ASB4: variants seen among roughly 807,000 people sequenced by gnomAD.
ASB4 encodes ankyrin repeat and SOCS box containing 4, also known as ankyrin repeat and SOCS box protein 4.
Under a neutral mutation model 38.6 loss-of-function variants are expected in ASB4, and 35 were observed. That is an observed-to-expected ratio of 0.91 (90% CI 0.69 to 1.20). The LOEUF (loss-of-function observed/expected upper bound fraction) is 1.20, where lower values mean the gene tolerates loss of function less well. Among genes scored for constraint, ASB4 ranks in the 50% most tolerant of loss-of-function variants. The probability of loss-of-function intolerance (pLI) is 0.00; values close to 1 mark genes in which losing one functional copy is unlikely to be tolerated. For missense variants in ASB4, 557 were observed against 527.2 expected (o/e 1.06, Z -0.55); for synonymous variants, 195 against 201.3 (o/e 0.97, Z 0.26).
At chr7:95,498,124 T>C (rs2116594076) in intron 2 of ASB4, among the ~76,000 whole-genome samples, 1 of 152,326 alleles carries the variant, frequency 6.6e-6, no homozygotes, top group South Asian at 2.1e-4. Flanking sequence ...TTCGTATTTC[T>C]ATCAGCAATG....
the ASB4 span, among the ~76,000 whole-genome samples, chr7:95,470,824 C>T: frequency 1.3e-5 from 2 of 152,160 alleles, no homozygotes; most frequent in South Asian, 2.1e-4. Flanking sequence ...TTCTTTTTTC[C>T]CCCCATTAGG....
At chr7:95,551,229 G>T in the ASB4 span, among the ~76,000 whole-genome samples, 1 of 152,120 alleles carries the variant, frequency 6.6e-6, no homozygotes, top group Non-Finnish European at 1.5e-5. Context: ...CATCCACTCG[G>T]CTTGGCCTCC....
chr7:95,531,102 C>A (rs1304933937), intron 3 of ASB4, among the ~76,000 whole-genome samples: 1 of 152,216 alleles, frequency 6.6e-6, no homozygotes, highest in East Asian at 1.9e-4. Context: ...ACTCATAGCA[C>A]ATCACAAATA....
At chr7:95,470,779 C>T in the ASB4 span, among the ~76,000 whole-genome samples, 1 of 152,148 alleles carries the variant, frequency 6.6e-6, no homozygotes, top group African/African-American at 2.4e-5. Flanking sequence ...GGCACTGTCC[C>T]ATCCATTAAC....
At chr7:95,476,142 C>T (rs1419585358), upstream of ASB4, among the ~76,000 whole-genome samples, 2 of 152,180 alleles carry the variant, frequency 1.3e-5, no homozygotes, top group Admixed American at 6.5e-5. Flanking sequence ...TAATTTCATT[C>T]GTCTATAAGT....
chr7:95,549,301 A>ATTTTTTTTTTTTTTTTTTTT, the ASB4 span, among the ~76,000 whole-genome samples: 346 of 114,810 alleles, frequency 3.0e-3, 52 homozygotes, highest in African/African-American at 0.011. Flanking sequence ...AGGAGACTCC[A>ATTTTTTTTTTTTTTTTTTTT]TTTTTTTTTT....
In ASB4 at chr7:95,496,061, A is replaced by G; in HGVS notation, c.487+4A>G. On this transcript the variant is annotated splice_donor_region_variant and intron_variant, in intron 2 of 4. Coordinates refer to ENST00000325885, the MANE Select transcript of ASB4 (RefSeq NM_016116.3). The stretch of plus-strand genomic sequence containing the variant: ...GCCAAGCAATTGGTTTGGAGAGGTA[A>G]GCCTTTCTGGGTGGCCAACATTGTT... The G allele has an allele frequency of 1.9e-6, 3 of 1,607,978 alleles. No individual in the cohort carries two copies. The highest frequency in any genetic ancestry group is 2.6e-6 in the Non-Finnish European group (3 of 1,175,598).
chr7:95,493,955 G>A (rs186118038), intron 1 of ASB4, among the ~76,000 whole-genome samples: 2 of 152,106 alleles, frequency 1.3e-5, no homozygotes, highest in East Asian at 1.9e-4. Flanking sequence ...TTAACCATTC[G>A]AACAATGCTG....
At chr7:95,508,412 G>A (rs1431729654) in intron 2 of ASB4, among the ~76,000 whole-genome samples, 1 of 152,144 alleles carries the variant, frequency 6.6e-6, no homozygotes, top group Non-Finnish European at 1.5e-5. Flanking sequence ...GAGGAAAAAA[G>A]AGGTTTGAAA....
chr7:95,507,388 C>T (rs1489285797), intron 2 of ASB4, among the ~76,000 whole-genome samples: 4 of 151,748 alleles, frequency 2.6e-5, no homozygotes, highest in East Asian at 1.9e-4. Flanking sequence ...TCTTCTTTGC[C>T]GAGCAAACTT....
chr7:95,532,319 G>C (rs1047809582), intron 3 of ASB4, among the ~76,000 whole-genome samples: 28 of 152,170 alleles, frequency 1.8e-4, no homozygotes, highest in Admixed American at 1.3e-3. Flanking sequence ...TTCACTGAAA[G>C]CCAATGTGTA....
chr7:95,544,214 C>G (rs1212359613), downstream of ASB4: 1 of 152,024 alleles, frequency 6.6e-6, no homozygotes, highest in Non-Finnish European at 1.5e-5. Flanking sequence ...TCTTCCAGGG[C>G]ATCAGAAAAT....
At chr7:95,530,376 A>G (rs1251271592) in intron 3 of ASB4, among the ~76,000 whole-genome samples, 1 of 152,088 alleles carries the variant, frequency 6.6e-6, no homozygotes, top group Non-Finnish European at 1.5e-5. Flanking sequence ...GAGGCAGGAG[A>G]ATGGCTTGAA....
chr7:95,528,989 GTTTT>G, intron 3 of ASB4, among the ~76,000 whole-genome samples: 1 of 152,222 alleles, frequency 6.6e-6, no homozygotes. Context: ...ACACTGCACG[GTTTT>G]TCTTAACAAC....
At chr7:95,545,672 T>A in the ASB4 span, among the ~76,000 whole-genome samples, 4 of 152,324 alleles carry the variant, frequency 2.6e-5, no homozygotes, top group Admixed American at 2.6e-4. Context: ...CATGTACTTA[T>A]GTAGAGTAAA....
chr7:95,510,609 A>G (rs920762995), intron 2 of ASB4, among the ~76,000 whole-genome samples: 1 of 152,126 alleles, frequency 6.6e-6, no homozygotes, highest in Admixed American at 6.5e-5. Context: ...CTATACGACA[A>G]TTTTAGGTCA....
chr7:95,516,615 G>T (rs970174576), intron 2 of ASB4, among the ~76,000 whole-genome samples: 1 of 152,160 alleles, frequency 6.6e-6, no homozygotes, highest in Non-Finnish European at 1.5e-5. Context: ...TGTGATATTT[G>T]CTTCCTGTTT....
intron 2 of ASB4, among the ~76,000 whole-genome samples, chr7:95,514,080 C>T (rs1009783705): frequency 2.6e-5 from 4 of 152,290 alleles, no homozygotes; most frequent in South Asian, 2.1e-4. Flanking sequence ...CCAGTATTTT[C>T]GCTTCTTATC....
At chr7:95,523,377 G>A (rs1044373399) in intron 2 of ASB4, among the ~76,000 whole-genome samples, 1 of 152,156 alleles carries the variant, frequency 6.6e-6, no homozygotes, top group African/African-American at 2.4e-5. Context: ...TGCAAACAAA[G>A]CCGAACGATT....
Sources: allele counts gnomAD v4.1 joint callset (sites outside exome capture counted in the v4.1 genomes callset), GRCh38; gene constraint gnomAD v4.1.1; transcripts MANE v1.5; gene names NCBI Gene and HGNC (gene_info 2026-07-23, HGNC 2026-07-21).